KYNU: variants seen among roughly 807,000 people sequenced by gnomAD.
The protein encoded by KYNU is kynureninase.
KYNU carries 54 observed loss-of-function variants against 59.2 expected under a neutral mutation model. The observed-to-expected ratio is 0.91, with a 90% CI of 0.73 to 1.14. KYNU has a LOEUF of 1.14. Among genes scored for constraint, KYNU ranks in the 50% most tolerant of loss-of-function variants. KYNU has a pLI of 0.00. For missense variants in KYNU, 567 were observed against 554.4 expected, an observed-to-expected ratio of 1.02 and a Z score of -0.23; for synonymous variants, 177 against 192.0, an observed-to-expected ratio of 0.92 and a Z score of 0.65.
chr2:142,970,988 T>C (rs960978399), intron 8 of KYNU, among the ~76,000 whole-genome samples: 18 of 152,168 alleles, frequency 1.2e-4, no homozygotes, highest in African/African-American at 4.3e-4. Context: ...GCTTCACAGG[T>C]TACAACTTGT....
intron 2 of KYNU, among the ~76,000 whole-genome samples, chr2:142,912,633 C>A (rs1312838916): frequency 1.3e-5 from 2 of 151,386 alleles, no homozygotes; most frequent in South Asian, 2.1e-4. Flanking sequence ...CCCACCTCGG[C>A]CTCCCAAAGT....
chr2:143,016,972 G>A (rs1375824686), intron 10 of KYNU, among the ~76,000 whole-genome samples: 1 of 152,036 alleles, frequency 6.6e-6, no homozygotes, highest in Non-Finnish European at 1.5e-5. Context: ...TCCATGTTTA[G>A]TTCCTACTTA....
intron 1 of KYNU, among the ~76,000 whole-genome samples, chr2:142,878,804 G>A (rs1163018370): frequency 1.3e-5 from 2 of 152,034 alleles, no homozygotes; most frequent in Admixed American, 6.6e-5. Context: ...TCCATCAGAA[G>A]GTATTGATAA....
intron 4 of KYNU, 108 bp downstream of exon 4, chr2:142,927,849 T>G: frequency 1.2e-6 from 1 of 811,730 alleles, no homozygotes; most frequent in South Asian, 1.5e-5. Context: ...CATAGTGATT[T>G]TCTATTTTAA....
intron 2 of KYNU, among the ~76,000 whole-genome samples, chr2:142,907,699 T>C (rs1266557487): frequency 6.6e-6 from 1 of 152,232 alleles, no homozygotes; most frequent in Admixed American, 6.5e-5. Flanking sequence ...CGTTGTGCTC[T>C]CAGGTGATAT....
At chr2:143,004,509 G>A (rs754149743) in intron 10 of KYNU, among the ~76,000 whole-genome samples, 3 of 152,108 alleles carry the variant, frequency 2.0e-5, no homozygotes, top group Non-Finnish European at 4.4e-5. Flanking sequence ...TCAGGTGGTC[G>A]AGACCAGCCT....
At chr2:142,969,937 C>A (rs1161025736) in intron 8 of KYNU, among the ~76,000 whole-genome samples, 2 of 152,092 alleles carry the variant, frequency 1.3e-5, no homozygotes, top group South Asian at 4.1e-4. Flanking sequence ...CCAAGGAAGG[C>A]AGATTTAAGT....
chr2:142,939,616 A>AAAAG (rs1553479620), intron 4 of KYNU, among the ~76,000 whole-genome samples: 7 of 150,616 alleles, frequency 4.6e-5, no homozygotes, highest in Admixed American at 2.0e-4. Context: ...AAAAAAAAAA[A>AAAAG]AAAAAAGAAA....
intron 10 of KYNU, among the ~76,000 whole-genome samples, chr2:143,004,134 T>A (rs1685796075): frequency 6.6e-6 from 1 of 152,228 alleles, no homozygotes; most frequent in African/African-American, 2.4e-5. Flanking sequence ...TCCCCATGCA[T>A]TAATTTTCAA....
rs757632194 is a variant in KYNU at position 142,985,083 on chromosome 2, G to C, written c.730-1G>C. 10 of 1,565,342 alleles carry C rather than the reference G, an allele frequency of 6.4e-6. No individual in the cohort carries two copies. On this transcript the variant is annotated splice_acceptor_variant, in intron 8 of 13. Coordinates refer to ENST00000264170, the MANE Select transcript of KYNU (RefSeq NM_003937.3). LOFTEE classifies it high-confidence loss of function. ...AAGCTTATTATTGTGTTCTTCCCTA[G>C]GGTTGTTATGTTGGCTTTGATCTAG...
intron 10 of KYNU, among the ~76,000 whole-genome samples, chr2:142,989,107 G>A (rs943711008): frequency 4.0e-5 from 6 of 151,796 alleles, no homozygotes; most frequent in Admixed American, 1.3e-4. Flanking sequence ...CAGATGTTAC[G>A]ACAATGTTCC....
Position 143,045,964 on chromosome 2 carries a change from T to G in KYNU, c.*3792T>G, listed in dbSNP as rs564338141. 6.6e-6 allele frequency: 1 copy of G among 152,240 alleles called. No homozygotes were observed. The highest frequency in any genetic ancestry group is 2.1e-4 in the South Asian group (1 of 4,828). 9.4% of individuals were successfully genotyped at this position (152,240 alleles called of 1,614,324 possible). A position where few individuals can be genotyped will look rare whatever the true frequency, so the allele number is the denominator to read the frequency against. ...GAAGGGTATTAATTAGATGTTTGAG[T>G]GAGGGGAAATATTGGAAGGTGCTCA... On this transcript the variant is annotated 3_prime_UTR_variant, in exon 14 of 14. Coordinates refer to ENST00000264170, the MANE Select transcript of KYNU (RefSeq NM_003937.3).
At chr2:142,910,130 C>CTTT (rs1682429598) in intron 2 of KYNU, among the ~76,000 whole-genome samples, 2 of 78,698 alleles carry the variant, frequency 2.5e-5, no homozygotes, top group Non-Finnish European at 4.7e-5. Flanking sequence ...ATGTTCTTTG[C>CTTT]CTTTTTTTTT....
chr2:142,954,382 A>G (rs1309328810), intron 4 of KYNU, among the ~76,000 whole-genome samples: 1 of 152,038 alleles, frequency 6.6e-6, no homozygotes, highest in Non-Finnish European at 1.5e-5. Context: ...CTCCTTTTAT[A>G]AAAGGTGTAT....
chr2:142,989,613 C>G, intron 10 of KYNU: 1 of 541,108 alleles, frequency 1.8e-6, no homozygotes, highest in African/African-American at 2.1e-5. Flanking sequence ...ATGTGTTCTT[C>G]TTTTTGACAA....
At chr2:142,907,990 G>A (rs1682356278) in intron 2 of KYNU, among the ~76,000 whole-genome samples, 1 of 152,134 alleles carries the variant, frequency 6.6e-6, no homozygotes, top group African/African-American at 2.4e-5. Flanking sequence ...TTACTTCTAG[G>A]TTTCCTCTTC....
intron 4 of KYNU, among the ~76,000 whole-genome samples, chr2:142,943,422 T>TAATA (rs70997534): frequency 0.18 from 26,789 of 151,924 alleles, 3,042 homozygotes; most frequent in East Asian, 0.33. Context: ...GAGAAAGAAA[T>TAATA]AATAACCATA....
intron 10 of KYNU, among the ~76,000 whole-genome samples, chr2:142,995,094 G>A (rs1685504142): frequency 6.6e-6 from 1 of 151,770 alleles, no homozygotes; most frequent in Non-Finnish European, 1.5e-5. Context: ...TTAACTCAAA[G>A]GATTATTTTA....
At chr2:142,920,821 C>A (rs917368571) in intron 3 of KYNU, among the ~76,000 whole-genome samples, 1 of 152,138 alleles carries the variant, frequency 6.6e-6, no homozygotes, top group South Asian at 2.1e-4. Context: ...ATCATGGACC[C>A]GCCCATAAAT....
Sources: gnomAD v4.1 joint callset for allele counts (sites outside exome capture counted in the v4.1 genomes callset) on GRCh38, gnomAD v4.1.1 for gene constraint, MANE v1.5 for transcripts, NCBI Gene and HGNC (gene_info 2026-07-23, HGNC 2026-07-21) for gene names.